Variants in TMPRSS15 observed in about 807,000 individuals in gnomAD.
The protein encoded by TMPRSS15 is enteropeptidase.
Under a neutral mutation model 125.3 loss-of-function variants are expected in TMPRSS15, and 128 were observed. The observed-to-expected ratio is 1.02, with a 90% CI of 0.89 to 1.18. The LOEUF is 1.18. TMPRSS15 is among the 50% of genes most tolerant of loss of function. The pLI is 0.00. For synonymous variants in TMPRSS15, 446 were observed against 423.2 expected, an observed-to-expected ratio of 1.05 and a Z score of -0.66; for missense variants, 1,283 against 1,212.7, an observed-to-expected ratio of 1.06 and a Z score of -0.86.
chr21:18,271,302 A>AAAAAT (rs1399709049), intron 24 of TMPRSS15, among the ~76,000 whole-genome samples: 16 of 152,244 alleles, frequency 1.1e-4, no homozygotes, highest in African/African-American at 3.9e-4. Context: ...GGAAATTATT[A>AAAAAT]AAAATAAACT....
chr21:18,282,190 C>G (rs892522919), intron 21 of TMPRSS15, among the ~76,000 whole-genome samples: 1 of 145,522 alleles, frequency 6.9e-6, no homozygotes, highest in Non-Finnish European at 1.5e-5. Flanking sequence ...TCTCCATATA[C>G]AATGTTGGCC....
chr21:18,270,219 TTAA>T, intron 24 of TMPRSS15, 95 bp from the exon 25 acceptor site: 1 of 1,105,746 alleles, frequency 9.0e-7, no homozygotes, highest in Non-Finnish European at 1.3e-6. Flanking sequence ...AAAATAAAAA[TTAA>T]TTAAAAAATA....
At chr21:18,365,395 TATTAGC>T (rs2075717269) in intron 6 of TMPRSS15, 147 bp from the exon 7 acceptor site, 2 of 739,872 alleles carry the variant, frequency 2.7e-6, no homozygotes, top group South Asian at 3.0e-5. Context: ...GTTTGAAACC[TATTAGC>T]CATGTTCAAA....
chr21:18,440,547 G>T lies in TMPRSS15; in HGVS notation c.11-42218C>A, dbSNP rs2824832. On this transcript the variant is annotated intron_variant, in intron 1 of 7. Transcript: ENST00000422787. ...GAATCTTAGTCATATGTGATGATCA[G>T]GATGAATTGTAGGATCATATGGCTT... 5.3e-5 allele frequency among the ~76,000 whole-genome samples: 8 copies of T among 151,746 alleles called. No homozygotes were observed. The East Asian group carries it at 1.6e-3, about 29-fold the overall frequency.
chr21:18,477,006 C>CT (rs1233431318), intron 1 of TMPRSS15, among the ~76,000 whole-genome samples: 1 of 151,966 alleles, frequency 6.6e-6, no homozygotes, highest in African/African-American at 2.4e-5. Context: ...AAGGGAAACT[C>CT]TATTACCCTA....
At chr21:18,393,162 C>A (rs1026761843) in intron 3 of TMPRSS15, among the ~76,000 whole-genome samples, 1 of 152,076 alleles carries the variant, frequency 6.6e-6, no homozygotes, top group South Asian at 2.1e-4. Flanking sequence ...CAGAGCCATG[C>A]AGTACACCTG....
At chr21:18,437,581 C>T (rs1569068761) in intron 1 of TMPRSS15, among the ~76,000 whole-genome samples, 1 of 152,058 alleles carries the variant, frequency 6.6e-6, no homozygotes, top group Non-Finnish European at 1.5e-5. Flanking sequence ...ACTCATCTGA[C>T]AAAGGGCTAA....
chr21:18,369,406 A>C (rs2075770419), intron 6 of TMPRSS15, among the ~76,000 whole-genome samples: 1 of 152,098 alleles, frequency 6.6e-6, no homozygotes, highest in Admixed American at 6.5e-5. Context: ...AAAGGCTGTG[A>C]ATCAGCATCT....
chr21:18,423,447 C>T (rs2076196371), intron 1 of TMPRSS15, among the ~76,000 whole-genome samples: 2 of 146,624 alleles, frequency 1.4e-5, no homozygotes, highest in South Asian at 2.2e-4. Context: ...CTCGCTCTGT[C>T]GCCCAGGCTG....
chr21:18,332,614 G>A (rs886142056), intron 13 of TMPRSS15, among the ~76,000 whole-genome samples: 4 of 152,028 alleles, frequency 2.6e-5, no homozygotes, highest in African/African-American at 9.7e-5. Context: ...GACAGTTTGT[G>A]GGAAAAAATG....
At chr21:18,281,016 C>G in intron 22 of TMPRSS15, 24 bp downstream of exon 22, 4 of 1,599,314 alleles carry the variant, frequency 2.5e-6, no homozygotes, top group South Asian at 1.1e-5. Flanking sequence ...GATAAGATGA[C>G]TAAGAGTGAT....
At chr21:18,449,875 A>ACG (rs952930364) in intron 1 of TMPRSS15, among the ~76,000 whole-genome samples, 2 of 25,006 alleles carry the variant, frequency 8.0e-5, no homozygotes, top group South Asian at 3.8e-3. Flanking sequence ...ACACACACAC[A>ACG]CGCACACACA....
chr21:18,305,183 C>CTTTTTTTTTTTTTTTTT lies in TMPRSS15; in HGVS notation c.2166-7371_2166-7355dup, dbSNP rs59103494. 5.0e-4 allele frequency among the ~76,000 whole-genome samples: 43 copies of CTTTTTTTTTTTTTTTTT among 86,052 alleles called. 2 individuals are homozygous for CTTTTTTTTTTTTTTTTT. The highest frequency in any genetic ancestry group is 1.4e-3 in the African/African-American group (32 of 22,582). 56.5% of individuals were successfully genotyped at this position (86,052 alleles called of 152,430 possible). On this transcript the variant is annotated intron_variant, in intron 18 of 24. Transcript: ENST00000284885. ...GGATTCCAGGATTTGAATTTCCGTACTTTTTTTTTTTTTTTTTTTTTTTGA... is the reference window on the plus strand; with the variant it reads ...GGATTCCAGGATTTGAATTTCCGTACTTTTTTTTTTTTTTTTTTTTTTTTTTTTTTTTTTTTTTTTGA...
intron 1 of TMPRSS15, among the ~76,000 whole-genome samples, chr21:18,444,101 G>A (rs2076249566): frequency 6.6e-6 from 1 of 152,106 alleles, no homozygotes; most frequent in Non-Finnish European, 1.5e-5. Context: ...TTGTAACCAG[G>A]CAAGTCACAC....
At chr21:18,398,084 G>T in intron 2 of TMPRSS15, 115 bp downstream of exon 2, 2 of 1,330,862 alleles carry the variant, frequency 1.5e-6, no homozygotes, top group Non-Finnish European at 2.1e-6. Flanking sequence ...TCATACATTT[G>T]AGTATCTTGG....
At chr21:18,342,495 C>A (rs968847440) in intron 12 of TMPRSS15, among the ~76,000 whole-genome samples, 5 of 152,198 alleles carry the variant, frequency 3.3e-5, no homozygotes, top group Admixed American at 3.3e-4. Context: ...GAACTTGACT[C>A]TCTCGCACCA....
At chr21:18,443,443 A>G (rs2076247455) in intron 1 of TMPRSS15, among the ~76,000 whole-genome samples, 2 of 152,182 alleles carry the variant, frequency 1.3e-5, no homozygotes, top group South Asian at 4.1e-4. Flanking sequence ...CGCTCTCCAC[A>G]GGGACCTGTG....
intron 13 of TMPRSS15, 31 bp downstream of exon 13, chr21:18,341,382 A>T (rs1300651201): frequency 3.7e-6 from 6 of 1,613,904 alleles, no homozygotes; most frequent in Middle Eastern, 3.3e-4. Context: ...TAATGATTTA[A>T]TAAGACAAAA....
chr21:18,462,933 C>T (rs1363031982), intron 1 of TMPRSS15, among the ~76,000 whole-genome samples: 2 of 151,956 alleles, frequency 1.3e-5, no homozygotes, highest in Admixed American at 1.3e-4. Context: ...ATTTTCAATC[C>T]AGAATTTCAT....
Sources: allele counts gnomAD v4.1 joint callset (sites outside exome capture counted in the v4.1 genomes callset), GRCh38; gene constraint gnomAD v4.1.1; transcripts MANE v1.5; gene names NCBI Gene and HGNC (gene_info 2026-07-23, HGNC 2026-07-21).